The following ZMYM2 variants were observed in gnomAD, a reference collection of about 807,000 sequenced individuals.
ZMYM2 encodes zinc finger MYM-type containing 2, also known as zinc finger MYM-type protein 2.
A neutral mutation model predicts 162.8 loss-of-function variants in ZMYM2; 56 were observed. That is an observed-to-expected ratio of 0.34 (90% CI 0.28 to 0.43). The LOEUF is 0.43. Ranked by LOEUF, ZMYM2 falls within the 20% of genes least tolerant of loss-of-function variation. ZMYM2 has a pLI of 1.00. For missense variants in ZMYM2, 1,275 were observed against 1,621.8 expected (o/e 0.79, Z 3.67); for synonymous variants, 510 against 541.6 (o/e 0.94, Z 0.81).
intron 2 of ZMYM2, among the ~76,000 whole-genome samples, chr13:19,973,050 C>T (rs778388813): frequency 1.3e-5 from 2 of 151,546 alleles, no homozygotes; most frequent in Non-Finnish European, 2.9e-5. Flanking sequence ...GATTCTCCTG[C>T]CTCAGCCTCC....
the ZMYM2 span, among the ~76,000 whole-genome samples, chr13:19,884,295 G>A: frequency 6.6e-6 from 1 of 152,072 alleles, no homozygotes; most frequent in Admixed American, 6.6e-5. Flanking sequence ...CGCCAGTGGC[G>A]GGGTGCTGTG....
At chr13:20,074,670 C>T (rs1374672877) in intron 21 of ZMYM2, among the ~76,000 whole-genome samples, 3 of 152,012 alleles carry the variant, frequency 2.0e-5, no homozygotes, top group African/African-American at 7.3e-5. Context: ...TCCCGAGTAG[C>T]TGGCACTACA....
At chr13:19,935,287 C>A in the ZMYM2 span, among the ~76,000 whole-genome samples, 6 of 151,924 alleles carry the variant, frequency 3.9e-5, no homozygotes, top group Admixed American at 3.9e-4. Context: ...GTGCATGCCA[C>A]CACACCCAGA....
intron 6 of ZMYM2, among the ~76,000 whole-genome samples, chr13:20,007,433 G>C (rs994710351): frequency 1.3e-5 from 2 of 151,860 alleles, no homozygotes; most frequent in African/African-American, 4.8e-5. Context: ...CACTGCACCC[G>C]TCCAGGTTAA....
chr13:19,915,628 C>G, the ZMYM2 span, among the ~76,000 whole-genome samples: 1 of 151,896 alleles, frequency 6.6e-6, no homozygotes, highest in African/African-American at 2.4e-5. Context: ...CTCAACCTCC[C>G]TAGTAGCTGG....
At chr13:19,980,029 A>G (rs1957175702) in intron 2 of ZMYM2, among the ~76,000 whole-genome samples, 1 of 152,010 alleles carries the variant, frequency 6.6e-6, no homozygotes, top group Non-Finnish European at 1.5e-5. Context: ...TTTATGTCAG[A>G]TTTACAAGGA....
At chr13:19,899,556 G>C in the ZMYM2 span, among the ~76,000 whole-genome samples, 1 of 152,042 alleles carries the variant, frequency 6.6e-6, no homozygotes, top group Non-Finnish European at 1.5e-5. Context: ...GGTGACTCAT[G>C]CCTATAATCC....
At chr13:20,069,786 G>A (rs1442042952) in intron 21 of ZMYM2, among the ~76,000 whole-genome samples, 3 of 150,566 alleles carry the variant, frequency 2.0e-5, no homozygotes, top group Non-Finnish European at 3.0e-5. Flanking sequence ...TTTTTTTAAC[G>A]ATAATTTATA....
the ZMYM2 span, among the ~76,000 whole-genome samples, chr13:19,886,065 T>G: frequency 6.8e-6 from 1 of 147,654 alleles, no homozygotes; most frequent in African/African-American, 2.5e-5. Context: ...ATCTCTAGGT[T>G]CTATATCCAT....
At chr13:20,062,662 TGAG>T (rs1403053670) in intron 17 of ZMYM2, among the ~76,000 whole-genome samples, 181 bp from the exon 18 acceptor site, 5 of 152,228 alleles carry the variant, frequency 3.3e-5, no homozygotes, top group African/African-American at 4.8e-5. Context: ...TGACTAATTA[TGAG>T]GTTTATAGTG....
the ZMYM2 span, among the ~76,000 whole-genome samples, chr13:19,868,736 T>C: frequency 0.012 from 1,841 of 152,228 alleles, 40 homozygotes; most frequent in African/African-American, 0.04. Context: ...TTCTCAAAAA[T>C]AGAACCAAAT....
rs1420671942 is a variant in ZMYM2, at chr13:20,086,852, T to C, written c.*838T>C. ...TCAAGACATTTCCTTTGTAAAAATG[T>C]CTGGTGAAAGTATAAAATTCTGTTT... On this transcript the variant is annotated 3_prime_UTR_variant, in exon 25 of 25. Transcript: ENST00000610343. 1 of 166,940 alleles carries C rather than the reference T, an allele frequency of 6.0e-6. No individual in the cohort carries two copies. The highest frequency in any genetic ancestry group is 1.1e-4 in the East Asian group (1 of 8,760). 10.3% of individuals were successfully genotyped at this position (166,940 alleles called of 1,614,324 possible).
intron 2 of ZMYM2, among the ~76,000 whole-genome samples, chr13:19,979,375 C>G (rs181019736): frequency 6.7e-6 from 1 of 149,342 alleles, no homozygotes; most frequent in Admixed American, 6.7e-5. Context: ...CTTTATAGAT[C>G]GCAGATTTTT....
chr13:19,896,031 C>T, the ZMYM2 span, among the ~76,000 whole-genome samples: 2 of 50,494 alleles, frequency 4.0e-5, no homozygotes, highest in Non-Finnish European at 1.3e-4. Context: ...TATTCTGATT[C>T]CATTTTTTTT....
At position 20,057,925 on chromosome 13, in the gene ZMYM2, G is replaced by A. The variant is rs184434331; in HGVS notation, c.2494-650G>A. Among the ~76,000 whole-genome samples the A allele has an allele frequency of 7.2e-5, 11 of 152,064 alleles. No homozygotes were observed. The East Asian group carries it at 1.5e-3, about 21-fold the overall frequency. On this transcript the variant is annotated intron_variant, in intron 14 of 24. Transcript: ENST00000610343. ...GAGTACCTTATTTTTACTCCCTTAC[G>A]CTCATATCTTCCACTTATTTCAGAT... is the stretch of plus-strand genomic sequence containing the variant.
At chr13:19,983,299 C>A (rs1452172095) in intron 2 of ZMYM2, among the ~76,000 whole-genome samples, 2 of 152,068 alleles carry the variant, frequency 1.3e-5, no homozygotes, top group Non-Finnish European at 2.9e-5. Flanking sequence ...TGTGTGCCAT[C>A]ATGGCACGGC....
the ZMYM2 span, among the ~76,000 whole-genome samples, chr13:19,923,141 A>T: frequency 6.6e-6 from 1 of 150,634 alleles, no homozygotes; most frequent in Non-Finnish European, 1.5e-5. Context: ...GGAGTTCGAG[A>T]ACAACTTGAA....
intron 6 of ZMYM2, among the ~76,000 whole-genome samples, chr13:20,009,210 G>A (rs185871949): frequency 7.8e-4 from 119 of 152,166 alleles, no homozygotes; most frequent in South Asian, 3.9e-3. Flanking sequence ...GGACTTCAGC[G>A]CAGACAAAAT....
At chr13:19,983,438 G>T (rs1346878903) in intron 2 of ZMYM2, among the ~76,000 whole-genome samples, 1 of 152,024 alleles carries the variant, frequency 6.6e-6, no homozygotes, top group Non-Finnish European at 1.5e-5. Flanking sequence ...GAGCCACCGT[G>T]CCCGGCCTCA....
Sources: allele counts gnomAD v4.1 joint callset (sites outside exome capture counted in the v4.1 genomes callset), GRCh38; gene constraint gnomAD v4.1.1; transcripts MANE v1.5; gene names NCBI Gene and HGNC (gene_info 2026-07-23, HGNC 2026-07-21).